LIPK: variants seen among roughly 807,000 people sequenced by gnomAD.
LIPK encodes the protein lipase member K.
Under a neutral mutation model 48.6 loss-of-function variants are expected in LIPK, and 32 were observed. That is an observed-to-expected ratio of 0.66 (90% confidence interval 0.50 to 0.88). The LOEUF (loss-of-function observed/expected upper bound fraction) is 0.88, where lower values mean the gene tolerates loss of function less well. Among genes scored for constraint, LIPK ranks in the 40% least tolerant of loss-of-function variants. The pLI, the probability that LIPK is intolerant of heterozygous loss-of-function variation, is 0.00. For missense variants in LIPK, 507 were observed against 478.5 expected, an observed-to-expected ratio of 1.06 and a Z score of -0.56; for synonymous variants, 164 against 157.4, an observed-to-expected ratio of 1.04 and a Z score of -0.32.
At chr10:88,730,475 A>G (rs1842442233) in intron 3 of LIPK, among the ~76,000 whole-genome samples, 1 of 152,012 alleles carries the variant, frequency 6.6e-6, no homozygotes, top group Admixed American at 6.6e-5. Context: ...ATTTTTTAGT[A>G]GAGATGGGGT....
intron 7 of LIPK, among the ~76,000 whole-genome samples, chr10:88,738,917 A>G (rs969663217): frequency 1.3e-5 from 2 of 152,252 alleles, no homozygotes; most frequent in Non-Finnish European, 2.9e-5. Context: ...TTGAAAAAAT[A>G]CACATGTCCA....
intron 9 of LIPK, among the ~76,000 whole-genome samples, chr10:88,745,329 A>G (rs960093230): frequency 2.0e-5 from 3 of 152,180 alleles, no homozygotes; most frequent in Admixed American, 1.3e-4. Flanking sequence ...ACACATAGTC[A>G]TCAGATTCTC....
At chr10:88,725,527 C>G (rs921725473) in intron 2 of LIPK, among the ~76,000 whole-genome samples, 2 of 152,246 alleles carry the variant, frequency 1.3e-5, no homozygotes, top group Admixed American at 1.3e-4. Context: ...ACATGCATCT[C>G]TGTGTCTGAC....
chr10:88,749,616 G>C (rs906342630), intron 9 of LIPK, among the ~76,000 whole-genome samples: 1 of 150,250 alleles, frequency 6.7e-6, no homozygotes, highest in Non-Finnish European at 1.5e-5. Flanking sequence ...ATTAACTCAA[G>C]ATGGATTAAA....
chr10:88,742,286 A>C (rs17112377), intron 8 of LIPK, among the ~76,000 whole-genome samples: 2,432 of 152,296 alleles, frequency 0.016, 65 homozygotes, highest in African/African-American at 0.056. Context: ...CCAAGTTCCT[A>C]AGTAGTACGT....
At chr10:88,735,312 T>C (rs1359950894) in intron 6 of LIPK, among the ~76,000 whole-genome samples, 1 of 152,194 alleles carries the variant, frequency 6.6e-6, no homozygotes, top group Admixed American at 6.5e-5. Context: ...TTCTGACCTA[T>C]AGATTGCTTT....
intron 7 of LIPK, among the ~76,000 whole-genome samples, 159 bp downstream of exon 7, chr10:88,737,940 C>T (rs1328126765): frequency 1.3e-5 from 2 of 152,180 alleles, no homozygotes; most frequent in East Asian, 1.9e-4. Context: ...TGAGAGTCCA[C>T]TTGCTTTCAT....
Position 88,731,162 on chromosome 10 carries a change from C to T in LIPK, c.403C>T (p.Pro135Ser). The T allele has an allele frequency of 6.3e-7, 1 of 1,578,204 alleles. No individual in the cohort carries two copies. The highest frequency in any genetic ancestry group is 8.6e-7 in the Non-Finnish European group (1 of 1,164,854). ...RKHLKLSPKS[P>S]EYWAFSLDEM... ...ACACCTTAAATTGTCACCGAAATCA[C>T]CGGAATACTGGGCCTTCAGGTAAAG... Residue 135 changes from proline to serine, a missense_variant, in exon 4 of 10, where the codon CCG (proline) becomes TCG (serine). By Grantham distance (74) the Pro-to-Ser change is moderately conservative. Coordinates refer to ENST00000404190, the MANE Select transcript of LIPK (RefSeq NM_001080518.2).
chr10:88,741,395 TTG>T (rs1471138188), intron 8 of LIPK, among the ~76,000 whole-genome samples: 4 of 152,004 alleles, frequency 2.6e-5, no homozygotes, highest in Non-Finnish European at 2.9e-5. Flanking sequence ...CAGATAACGT[TTG>T]TTTCTTTTTA....
intron 4 of LIPK, among the ~76,000 whole-genome samples, chr10:88,731,964 C>T (rs955428709): frequency 3.3e-5 from 5 of 152,200 alleles, no homozygotes; most frequent in Non-Finnish European, 7.3e-5. Context: ...TAGGCCTCGA[C>T]AAATCAAATT....
intron 1 of LIPK, among the ~76,000 whole-genome samples, chr10:88,715,125 T>C (rs1050575018): frequency 1.3e-5 from 2 of 152,144 alleles, no homozygotes; most frequent in African/African-American, 4.8e-5. Context: ...TCTTTAGGCA[T>C]GTTCTGCAAA....
chr10:88,707,826 G>T lies in LIPK; in HGVS notation c.-12+1506G>T, dbSNP rs1590124806. ...ATTCATTGTCTTTCACCCTGTGGGT[G>T]GGGGAAAAACAGGGAAGCAATTTAA... On this transcript the variant is annotated intron_variant, in intron 1 of 9. Transcript: ENST00000404190. Among the ~76,000 whole-genome samples, 4 of 152,188 alleles carry T rather than the reference G, an allele frequency of 2.6e-5. 1 individual carries two copies. The South Asian group carries it at 8.3e-4, about 32-fold the overall frequency.
intron 3 of LIPK, among the ~76,000 whole-genome samples, chr10:88,729,246 A>C (rs1842412087): frequency 3.6e-5 from 1 of 27,982 alleles, no homozygotes; most frequent in Non-Finnish European, 6.0e-5. Flanking sequence ...GCAGGTGGCT[A>C]TCTGTTGGGG....
intron 3 of LIPK, chr10:88,728,730 G>C: frequency 3.3e-6 from 1 of 299,076 alleles, no homozygotes; most frequent in South Asian, 3.2e-5. Context: ...CTACCCAGGT[G>C]GGCTGGGCTC....
intron 7 of LIPK, among the ~76,000 whole-genome samples, chr10:88,739,640 G>C (rs1272028624): frequency 6.6e-6 from 1 of 152,086 alleles, no homozygotes; most frequent in Non-Finnish European, 1.5e-5. Context: ...CGGATCACGA[G>C]GTCAGGAGAG....
chr10:88,740,670 A>C (rs565338645), intron 8 of LIPK, among the ~76,000 whole-genome samples: 5 of 152,232 alleles, frequency 3.3e-5, no homozygotes, highest in Non-Finnish European at 7.4e-5. Context: ...ATGCACATTC[A>C]TTTGTTTATT....
At chr10:88,723,261 A>G (rs994104860) in intron 1 of LIPK, among the ~76,000 whole-genome samples, 1 of 152,158 alleles carries the variant, frequency 6.6e-6, no homozygotes, top group Non-Finnish European at 1.5e-5. Context: ...TTGGTACATA[A>G]TAGGTGCTCA....
intron 1 of LIPK, among the ~76,000 whole-genome samples, chr10:88,710,466 G>T (rs910329466): frequency 2.6e-5 from 4 of 152,132 alleles, no homozygotes. Flanking sequence ...GATCTGAATT[G>T]TACAGTTTGA....
chr10:88,748,371 T>C (rs138444783), intron 9 of LIPK, among the ~76,000 whole-genome samples: 1 of 152,184 alleles, frequency 6.6e-6, no homozygotes, highest in Non-Finnish European at 1.5e-5. Flanking sequence ...ATTGTGCACA[T>C]GTATCCTGTC....
Sources: allele counts gnomAD v4.1 joint callset (sites outside exome capture counted in the v4.1 genomes callset), GRCh38; gene constraint gnomAD v4.1.1; transcripts MANE v1.5; gene names NCBI Gene and HGNC (gene_info 2026-07-23, HGNC 2026-07-21).